FRRS1: variants seen among roughly 807,000 people sequenced by gnomAD.
FRRS1 encodes ferric reductase 1.
A neutral mutation model predicts 70.7 loss-of-function variants in FRRS1; 51 were observed. The ratio of observed to expected loss-of-function variants is 0.72; its 90% CI spans 0.58 to 0.91. The LOEUF (loss-of-function observed/expected upper bound fraction) is 0.91. FRRS1 is among the 40% of genes least tolerant of loss of function. FRRS1 has a pLI of 0.00. For synonymous variants in FRRS1, 225 were observed against 238.7 expected (o/e 0.94, Z 0.53); for missense variants, 672 against 726.0 (o/e 0.93, Z 0.86).
chr1:99,725,848 A>T (rs540808715), intron 9 of FRRS1, among the ~76,000 whole-genome samples: 4 of 152,374 alleles, frequency 2.6e-5, no homozygotes, highest in African/African-American at 9.6e-5. Context: ...ATACAACAGA[A>T]TTCCTCCATT....
chr1:99,709,169 T>C, intron 16 of FRRS1, 29 bp downstream of exon 16: 1 of 1,608,340 alleles, frequency 6.2e-7, no homozygotes, highest in Non-Finnish European at 8.5e-7. Context: ...CCATTAAGGT[T>C]TGTGTCAATG....
At chr1:99,721,129 C>G (rs11166308) in intron 9 of FRRS1, among the ~76,000 whole-genome samples, 55,937 of 151,946 alleles carry the variant, frequency 0.37, 11,028 homozygotes, top group African/African-American at 0.51. Flanking sequence ...GCCTGTAATT[C>G]CAGCACTTTG....
At chr1:99,748,455 G>T (rs1656398814) in intron 3 of FRRS1, 118 bp downstream of exon 3, 1 of 852,378 alleles carries the variant, frequency 1.2e-6, no homozygotes, top group African/African-American at 1.7e-5. Flanking sequence ...AAGTATGATA[G>T]TATCTTACAA....
intron 9 of FRRS1, among the ~76,000 whole-genome samples, chr1:99,720,296 G>A (rs1654749204): frequency 6.6e-6 from 1 of 152,096 alleles, no homozygotes; most frequent in Admixed American, 6.5e-5. Context: ...GTGGATCTGT[G>A]TGTGTTCTTT....
chr1:99,712,572 CAA>C, intron 12 of FRRS1, 57 bp from the exon 13 acceptor site: 1 of 964,292 alleles, frequency 1.0e-6, no homozygotes, highest in Non-Finnish European at 1.6e-6. Context: ...TTTAAATCCT[CAA>C]GTTAAAAATA....
Position 99,729,747 on chromosome 1 carries a change from C to G in FRRS1, c.761G>C (p.Gly254Ala). 6.3e-7 allele frequency: 1 copy of G among 1,594,372 alleles called. No homozygotes were observed. The highest frequency in any genetic ancestry group is 8.6e-7 in the Non-Finnish European group (1 of 1,164,938). Reference sequence around the variant, plus strand: ...AATACACAGATAAGCATCATCATCACCCTGAAAAACAATTGCAAATGAGAA... The same window carrying G: ...AATACACAGATAAGCATCATCATCAGCCTGAAAAACAATTGCAAATGAGAA... ...SFALSHDQWM[G>A]DDDAYLCIHE... The change falls in exon 8 of 17, where the codon GGT (glycine) becomes GCT (alanine). Residue 254 changes from glycine to alanine, a missense_variant and splice_region_variant. Gly to Ala is a moderately conservative substitution (Grantham distance 60). Transcript: ENST00000646001.
intron 8 of FRRS1, among the ~76,000 whole-genome samples, 192 bp downstream of exon 8, chr1:99,729,458 C>T (rs4548464): frequency 0.5 from 76,295 of 152,080 alleles, 23,153 homozygotes; most frequent in African/African-American, 0.86. Context: ...TCTTTTCCTA[C>T]AACAGAAACT....
rs1015306940 is a variant in FRRS1 at position 99,742,268 on chromosome 1, T to C, written c.339A>G (p.Ser113=). The C allele has an allele frequency of 4.4e-6, 7 of 1,597,488 alleles. No individual in the cohort carries two copies. Among genetic ancestry groups the C allele is most frequent in the African/African-American group, 1.3e-5 (1 of 74,598 alleles). The part of the protein sequence containing the change: ...QLLTCEDIQG[S]AVSHRSASKK... ...TAGATGCACTTCTGTGACTCACTGC[T>C]GATCCCTGAAATAAAAGGGAAAAGA... is the stretch of plus-strand genomic sequence containing the variant. The change falls in exon 5 of 17, where the codon TCA becomes TCG. Residue 113 remains serine, a synonymous_variant. Transcript: ENST00000646001.
chr1:99,735,093 T>C (rs747574189), intron 7 of FRRS1, among the ~76,000 whole-genome samples: 1 of 152,190 alleles, frequency 6.6e-6, no homozygotes, highest in Admixed American at 6.5e-5. Context: ...TTCTTGAAAA[T>C]TGTGACTTTA....
At chr1:99,741,281 T>C (rs1655949460) in intron 5 of FRRS1, among the ~76,000 whole-genome samples, 2 of 152,220 alleles carry the variant, frequency 1.3e-5, no homozygotes, top group Non-Finnish European at 2.9e-5. Context: ...GAGTGCAGTA[T>C]TCAATTCTTC....
intron 9 of FRRS1, among the ~76,000 whole-genome samples, chr1:99,726,276 C>T (rs934238956): frequency 1.3e-5 from 2 of 152,176 alleles, no homozygotes; most frequent in Admixed American, 6.5e-5. Flanking sequence ...CCGAGCCATG[C>T]TTCCTGTATA....
At chr1:99,758,645 GA>G (rs1656960863) in intron 1 of FRRS1, among the ~76,000 whole-genome samples, 1 of 152,110 alleles carries the variant, frequency 6.6e-6, no homozygotes, top group South Asian at 2.1e-4. Context: ...AGTGCTCCTT[GA>G]AAAAGAACAG....
chr1:99,727,064 T>G lies in FRRS1; in HGVS notation c.1006+1429A>C, dbSNP rs77229384. Among the ~76,000 whole-genome samples, 72 of 152,318 alleles carry G rather than the reference T, an allele frequency of 4.7e-4. No individual in the cohort carries two copies. In the East Asian group the frequency reaches 0.013, roughly 27 times the overall value. On this transcript the variant is annotated intron_variant, in intron 9 of 16. Coordinates refer to ENST00000646001, the MANE Select transcript of FRRS1 (RefSeq NM_001361041.2). ...AATACACAGGCTCTAAAGGCCAAAT[T>G]CCAACTGCACCGTTTACTTGTCTGG...
intron 7 of FRRS1, 152 bp downstream of exon 7, chr1:99,737,934 G>A: frequency 1.7e-6 from 1 of 605,494 alleles, no homozygotes; most frequent in East Asian, 2.9e-5. Context: ...GTAGAGGTGG[G>A]GTTTCACCAT....
intron 9 of FRRS1, among the ~76,000 whole-genome samples, 173 bp from the exon 10 acceptor site, chr1:99,719,820 G>A (rs1654725694): frequency 6.6e-6 from 1 of 152,038 alleles, no homozygotes; most frequent in African/African-American, 2.4e-5. Context: ...ATATATGCAA[G>A]GGCACAGACT....
intron 1 of FRRS1, among the ~76,000 whole-genome samples, chr1:99,761,329 T>C (rs1434439321): frequency 6.6e-6 from 1 of 152,102 alleles, no homozygotes; most frequent in Non-Finnish European, 1.5e-5. Flanking sequence ...GGTCTGACTA[T>C]ATTACCCAGG....
At chr1:99,735,425 G>T (rs990040344) in intron 7 of FRRS1, among the ~76,000 whole-genome samples, 3 of 152,118 alleles carry the variant, frequency 2.0e-5, no homozygotes, top group Non-Finnish European at 4.4e-5. Context: ...TTAGGTTATC[G>T]AATGAGTATT....
intron 1 of FRRS1, among the ~76,000 whole-genome samples, chr1:99,753,563 C>A (rs1656681048): frequency 6.6e-6 from 1 of 151,958 alleles, no homozygotes; most frequent in African/African-American, 2.4e-5. Context: ...GTCAAGAGAT[C>A]AAGACCATCC....
At chr1:99,763,477 C>A (rs1657205981) in intron 1 of FRRS1, among the ~76,000 whole-genome samples, 2 of 152,186 alleles carry the variant, frequency 1.3e-5, no homozygotes, top group South Asian at 4.1e-4. Context: ...CACTCTCATA[C>A]ACAGGGACAA....
Sources: allele counts gnomAD v4.1 joint callset (sites outside exome capture counted in the v4.1 genomes callset), GRCh38; gene constraint gnomAD v4.1.1; transcripts MANE v1.5; gene names NCBI Gene and HGNC (gene_info 2026-07-23, HGNC 2026-07-21).